The following RPL3 variants were observed in gnomAD, a reference collection of about 807,000 sequenced individuals.
The protein encoded by RPL3 is ribosomal protein L3, also known as large ribosomal subunit protein uL3.
A neutral mutation model predicts 46.0 loss-of-function variants in RPL3; 3 were observed. That is an observed-to-expected ratio of 0.07 (90% CI 0.03 to 0.17). RPL3 has a LOEUF of 0.17. RPL3 is among the 10% of genes least tolerant of loss of function. The pLI is 1.00. For missense variants in RPL3, 387 were observed against 532.7 expected (o/e 0.73, Z 2.69); for synonymous variants, 224 against 190.8 (o/e 1.17, Z -1.43).
chr22:39,313,882 C>T (rs1403659375), intron 7 of RPL3, 153 bp from the exon 8 acceptor site: 4 of 881,554 alleles, frequency 4.5e-6, no homozygotes, highest in African/African-American at 1.6e-5. Context: ...CTGTGCCCAG[C>T]GCACATTCCA....
intron 8 of RPL3, 24 bp downstream of exon 8, chr22:39,313,610 A>G (rs771770131): frequency 8.1e-6 from 13 of 1,607,298 alleles, no homozygotes; most frequent in Middle Eastern, 1.8e-4. Context: ...GAGCCCCCCC[A>G]TGACAAGTCA....
At chr22:39,318,705 A>C (rs1345003640) in intron 1 of RPL3, 113 bp from the exon 2 acceptor site, 2 of 864,524 alleles carry the variant, frequency 2.3e-6, no homozygotes, top group East Asian at 2.7e-5. Context: ...CTGACCAGAC[A>C]CCCAGCAAGC....
chr22:39,318,357 C>G (rs763943985), intron 2 of RPL3, 43 bp downstream of exon 2: 11 of 1,593,068 alleles, frequency 6.9e-6, no homozygotes, highest in Non-Finnish European at 7.7e-6. Context: ...TTTCCCTCCC[C>G]CTCCACTCCT....
In RPL3 at chr22:39,315,594, C is replaced by T. The variant is rs776557708; in HGVS notation, c.502-39G>A. The T allele has an allele frequency of 5.0e-6, 8 of 1,609,674 alleles. No homozygotes were observed. In the South Asian group the frequency reaches 8.8e-5, roughly 18 times the overall value. The stretch of plus-strand genomic sequence containing the variant: ...GACACAGCTCAGCTCCAGCTGCCAG[C>T]GCTCCTCCCACAGCAGAGGAACTGC... On this transcript the variant is annotated intron_variant, in intron 4 of 9. Transcript: ENST00000216146.
chr22:39,317,023 TGAGCAGAGG>T, intron 3 of RPL3, 182 bp from the exon 4 acceptor site: 3 of 838,466 alleles, frequency 3.6e-6, no homozygotes. Context: ...CGAGCGGAGC[TGAGCAGAGG>T]TCCACAAGGT....
Position 39,315,431 on chromosome 22 carries a change from T to C in RPL3, c.626A>G (p.Gln209Arg). 1 of 1,613,974 alleles carries C rather than the reference T, an allele frequency of 6.2e-7. No individual in the cohort carries two copies. Among genetic ancestry groups the C allele is most frequent in the Non-Finnish European group, 8.5e-7 (1 of 1,180,040 alleles). ...GATCATCTCATCCTGCCCAAACACT[T>C]GGTTCACAGGTACCTGCTGCTCAAG... The part of the protein sequence containing the change: ...ERLEQQVPVN[Q>R]VFGQDEMIDV... The change falls in exon 5 of 10, where the codon CAA becomes CGA. Residue 209 changes from glutamine to arginine, a missense_variant. By Grantham distance (43) the Gln-to-Arg change is conservative. This residue lies in a region of RPL3 where 48 missense variants were observed against 80.7 expected (regional missense o/e 0.60). Transcript: ENST00000216146.
In RPL3 at chr22:39,314,863, T is replaced by A; in HGVS notation, c.689-17A>T. ...TGGTGACCCCTGGAATGGATACACA[T>A]TACTTCACCTCAGCGCCCAGCACCT... On this transcript the variant is annotated splice_polypyrimidine_tract_variant and intron_variant, in intron 5 of 9. Transcript: ENST00000216146. The A allele has an allele frequency of 6.2e-7, 1 of 1,607,154 alleles. No homozygotes were observed. Among genetic ancestry groups the A allele is most frequent in the Non-Finnish European group, 8.5e-7 (1 of 1,174,798 alleles).
chr22:39,318,298 T>G, intron 2 of RPL3, 102 bp downstream of exon 2: 1 of 1,132,574 alleles, frequency 8.8e-7, no homozygotes. Context: ...AACTCCTGCT[T>G]AAAAAAAAAA....
chr22:39,315,963 G>A (rs749249244), intron 4 of RPL3, among the ~76,000 whole-genome samples: 2 of 152,200 alleles, frequency 1.3e-5, no homozygotes, highest in South Asian at 2.1e-4. Flanking sequence ...TGCATCACCG[G>A]GAGCGGTGGC....
chr22:39,318,923 G>C (rs911447625), intron 1 of RPL3: 1 of 484,428 alleles, frequency 2.1e-6, no homozygotes, highest in African/African-American at 2.0e-5. Context: ...GCAAGGTTTT[G>C]ACCGCTAAAG....
rs746638218 is a variant in RPL3, at chr22:39,316,686, C to T, written c.501+20G>A. 6.3e-5 allele frequency: 101 copies of T among 1,611,912 alleles called. No homozygotes were observed. The highest frequency in any genetic ancestry group is 8.4e-5 in the Non-Finnish European group (99 of 1,179,824). ...TTCTACTAAGTGGCAGGCCAAGCCA[C>T]CCCGGGGCACTGGGCTCACCTGGGT... On this transcript the variant is annotated intron_variant, in intron 4 of 9. Coordinates refer to ENST00000216146, the MANE Select transcript of RPL3 (RefSeq NM_000967.4).
rs772715706 is a variant in RPL3, at chr22:39,317,521, A to T, written c.305T>A (p.Phe102Tyr). 1 of 1,613,954 alleles carries T rather than the reference A, an allele frequency of 6.2e-7. No homozygotes were observed. The highest frequency in any genetic ancestry group is 8.5e-7 in the Non-Finnish European group (1 of 1,179,858). The change falls in exon 3 of 10, where the codon TTC becomes TAC. Residue 102 changes from phenylalanine (F) to tyrosine (Y), a missense_variant. By Grantham distance (22) the Phe-to-Tyr change is conservative. Coordinates refer to ENST00000216146, the MANE Select transcript of RPL3 (RefSeq NM_000967.4). ...YVETPRGLRT[F>Y]KTVFAEHISD... Reference sequence around the variant, plus strand: ...GATGTGCTCAGCAAAGACAGTCTTGAAGGTCCGGAGGCCTCGAGGGGTTTC... The same window carrying T: ...GATGTGCTCAGCAAAGACAGTCTTGTAGGTCCGGAGGCCTCGAGGGGTTTC...
At chr22:39,318,941 C>T in intron 1 of RPL3, 8 of 512,296 alleles carry the variant, frequency 1.6e-5, no homozygotes, top group South Asian at 1.2e-4. Flanking sequence ...AAGAAAGGGA[C>T]TCCCGGGACA....
rs1207347334 is a variant in RPL3, at chr22:39,317,482, T to C, written c.344A>G (p.Lys115Arg). 1 of 1,613,816 alleles carries C rather than the reference T, an allele frequency of 6.2e-7. No homozygotes were observed. Among genetic ancestry groups the C allele is most frequent in the African/African-American group, 1.3e-5 (1 of 74,912 alleles). ...TTACCAATTCTTATAGAAACGCCTCTTGCATTCATCACTGATGTGCTCAGC... is the reference window on the plus strand; with the variant it reads ...TTACCAATTCTTATAGAAACGCCTCCTGCATTCATCACTGATGTGCTCAGC... ...VFAEHISDEC[K>R]RRFYKNWHKS... is the part of the protein sequence containing the mutation. Residue 115 changes from lysine (K) to arginine (R), a missense_variant, in exon 3 of 10, where the codon AAG (lysine) becomes AGG (arginine). Around this residue, in one of 5 missense-constraint regions of RPL3, gnomAD observed 196 missense variants for 217.5 expected, o/e 0.90. Coordinates refer to ENST00000216146, the MANE Select transcript of RPL3 (RefSeq NM_000967.4).
At chr22:39,317,432 G>C in intron 3 of RPL3, 29 bp downstream of exon 3, 1 of 1,603,992 alleles carries the variant, frequency 6.2e-7, no homozygotes, top group Non-Finnish European at 8.5e-7. Flanking sequence ...AAGCTCCCAA[G>C]CTAGGGACTG....
At chr22:39,314,508 C>G (rs1234769280) in intron 6 of RPL3, 178 bp downstream of exon 6, 1 of 790,750 alleles carries the variant, frequency 1.3e-6, no homozygotes, top group Non-Finnish European at 2.0e-6. Context: ...AGCCACTCTA[C>G]AGGATGGCAC....
intron 1 of RPL3, 173 bp downstream of exon 1, chr22:39,319,422 T>C (rs978067326): frequency 1.1e-6 from 1 of 896,778 alleles, no homozygotes; most frequent in Non-Finnish European, 1.7e-6. Context: ...CCAAGCGCTC[T>C]TCACAAGCCT....
chr22:39,318,545 C>G lies in RPL3; in HGVS notation c.51G>C (p.Leu17=). 1 of 1,613,294 alleles carries G rather than the reference C, an allele frequency of 6.2e-7. No individual in the cohort carries two copies. The highest frequency in any genetic ancestry group is 8.5e-7 in the Non-Finnish European group (1 of 1,179,652). Reference sequence around the variant, plus strand: ...GATGCCTGCTGCTGCGCTTCCGAGGCAGGAAGCCGAGGGACCCATGTCTGG... The same window carrying G: ...GATGCCTGCTGCTGCGCTTCCGAGGGAGGAAGCCGAGGGACCCATGTCTGG... ...SAPRHGSLGF[L]PRKRSSRHRG... The change falls in exon 2 of 10, where the codon CTG becomes CTC. Residue 17 remains leucine (L), a synonymous_variant. Transcript: ENST00000216146.
In RPL3 at chr22:39,313,840, A is replaced by G. The variant is rs760972358; in HGVS notation, c.952-111T>C. On this transcript the variant is annotated intron_variant, in intron 7 of 9. Coordinates refer to ENST00000216146, the MANE Select transcript of RPL3 (RefSeq NM_000967.4). The stretch of plus-strand genomic sequence containing the variant: ...CAGGGCTGTTCTCAGAAGGAAGGCA[A>G]CAAGGAACGGTTCCGCAGTCTGTCT... 5.8e-6 allele frequency: 6 copies of G among 1,041,876 alleles called. No homozygotes were observed. The Admixed American group carries it at 1.0e-4, about 18-fold the overall frequency. 64.5% of individuals were successfully genotyped at this position (1,041,876 alleles called of 1,614,324 possible). A position where few individuals can be genotyped will look rare whatever the true frequency, so the allele number is the denominator to read the frequency against.
Sources: allele counts gnomAD v4.1 joint callset (sites outside exome capture counted in the v4.1 genomes callset), GRCh38; gene constraint gnomAD v4.1.1; regional missense constraint gnomAD v4.1.1; transcripts MANE v1.5; gene names NCBI Gene and HGNC (gene_info 2026-07-23, HGNC 2026-07-21).